Variants in FRYL observed in about 807,000 individuals in gnomAD.
FRYL encodes the protein protein furry homolog-like.
In FRYL, 150 loss-of-function variants were observed where a neutral mutation model predicts 351.2. That is an observed-to-expected ratio of 0.43 (90% CI 0.37 to 0.49). The LOEUF is 0.49. Ranked by LOEUF, FRYL falls within the 20% of genes least tolerant of loss-of-function variation. The pLI, the probability that FRYL is intolerant of heterozygous loss-of-function variation, is 0.00. For synonymous variants in FRYL, 1,153 were observed against 1,257.1 expected (o/e 0.92, Z 1.75); for missense variants, 3,036 against 3,619.3 (o/e 0.84, Z 4.13).
chr4:48,715,806 C>G (rs778712887), intron 1 of FRYL, among the ~76,000 whole-genome samples: 1 of 152,054 alleles, frequency 6.6e-6, no homozygotes, highest in Non-Finnish European at 1.5e-5. Context: ...AAAAAGAGCC[C>G]GCATCGCCAA....
chr4:48,750,210 T>C (rs539481227), intron 1 of FRYL, among the ~76,000 whole-genome samples: 1 of 148,806 alleles, frequency 6.7e-6, no homozygotes, highest in African/African-American at 2.5e-5. Context: ...CGTATAATAC[T>C]AGCACTCTGG....
chr4:48,748,788 T>C (rs186109837), intron 1 of FRYL, among the ~76,000 whole-genome samples: 4 of 152,314 alleles, frequency 2.6e-5, no homozygotes, highest in African/African-American at 9.6e-5. Flanking sequence ...TTATAGTAAG[T>C]AGATTGCGAA....
intron 2 of FRYL, among the ~76,000 whole-genome samples, chr4:48,706,621 A>C (rs1247789544): frequency 1.3e-5 from 2 of 152,246 alleles, no homozygotes; most frequent in African/African-American, 2.4e-5. Flanking sequence ...GTACACTTAA[A>C]ATAGTTAAAA....
chr4:48,556,856 T>A (rs1224660536), intron 35 of FRYL, 122 bp downstream of exon 35: 2 of 738,918 alleles, frequency 2.7e-6, no homozygotes, highest in Admixed American at 2.7e-5. Context: ...TTCCTGACTG[T>A]CTTCATCCCG....
At chr4:48,776,163 T>C (rs1480885233) in intron 1 of FRYL, among the ~76,000 whole-genome samples, 2 of 151,362 alleles carry the variant, frequency 1.3e-5, no homozygotes, top group African/African-American at 4.8e-5. Context: ...TTTTTTTTTT[T>C]TTTAAATAGA....
chr4:48,657,749 T>C (rs1295738179), intron 3 of FRYL, among the ~76,000 whole-genome samples: 2 of 109,646 alleles, frequency 1.8e-5, no homozygotes, highest in Non-Finnish European at 3.7e-5. Flanking sequence ...AGAAGGCTTT[T>C]TAAATGGTAA....
chr4:48,643,838 TATAAA>T (rs1179623109), intron 3 of FRYL, among the ~76,000 whole-genome samples: 8 of 152,090 alleles, frequency 5.3e-5, no homozygotes, highest in Non-Finnish European at 8.8e-5. Context: ...TAAAAGAAGA[TATAAA>T]AGAAGATCTG....
intron 1 of FRYL, among the ~76,000 whole-genome samples, chr4:48,753,687 T>A (rs1773479561): frequency 6.6e-6 from 1 of 152,216 alleles, no homozygotes; most frequent in South Asian, 2.1e-4. Context: ...GCTTTTGGTG[T>A]CTTATTTAAG....
rs553895362 is a variant in FRYL at position 48,749,598 on chromosome 4, T to C, written c.-384+30480A>G. Among the ~76,000 whole-genome samples the C allele has an allele frequency of 7.2e-5, 11 of 152,294 alleles. No homozygotes were observed. The East Asian group carries it at 1.9e-3, about 27-fold the overall frequency. On this transcript the variant is annotated intron_variant, in intron 1 of 63. Transcript: ENST00000358350. Reference sequence around the variant, plus strand: ...GGAGGATGGGGCTCCTAAGCCATGTTAGTGATATACCCACTCATGTGAGCC... The same window carrying C: ...GGAGGATGGGGCTCCTAAGCCATGTCAGTGATATACCCACTCATGTGAGCC...
chr4:48,546,503 T>C, intron 41 of FRYL: 1 of 483,172 alleles, frequency 2.1e-6, no homozygotes, highest in Non-Finnish European at 3.7e-6. Context: ...GGATGTACTA[T>C]GCAGTCCTCT....
chr4:48,636,135 A>T (rs1416993312), intron 3 of FRYL, among the ~76,000 whole-genome samples: 1 of 152,110 alleles, frequency 6.6e-6, no homozygotes, highest in Non-Finnish European at 1.5e-5. Flanking sequence ...ACAAAAACTC[A>T]CAGTCCTTTG....
chr4:48,712,681 A>C (rs1349373958), intron 1 of FRYL, among the ~76,000 whole-genome samples: 1 of 152,220 alleles, frequency 6.6e-6, no homozygotes, highest in Non-Finnish European at 1.5e-5. Context: ...CAATCTAGCA[A>C]GGCAGGCCAA....
intron 1 of FRYL, among the ~76,000 whole-genome samples, chr4:48,745,596 C>A (rs959786700): frequency 6.6e-6 from 1 of 151,890 alleles, no homozygotes; most frequent in African/African-American, 2.4e-5. Context: ...CACACCGGGG[C>A]CTGTTGTGGG....
intron 1 of FRYL, among the ~76,000 whole-genome samples, chr4:48,742,129 G>A (rs764511035): frequency 6.6e-6 from 1 of 152,192 alleles, no homozygotes; most frequent in Non-Finnish European, 1.5e-5. Flanking sequence ...AAGGAAACAG[G>A]AAGTCTCTGT....
chr4:48,541,887 G>C (rs1047145179), intron 45 of FRYL, 140 bp downstream of exon 45: 2 of 618,346 alleles, frequency 3.2e-6, no homozygotes, highest in Non-Finnish European at 2.9e-6. Context: ...CACTGTCTGC[G>C]GCCCATCTCC....
intron 43 of FRYL, 91 bp downstream of exon 43, chr4:48,544,692 C>A: frequency 9.6e-7 from 1 of 1,046,160 alleles, no homozygotes; most frequent in South Asian, 2.1e-5. Flanking sequence ...AGAGGTATCA[C>A]AATATCAACT....
chr4:48,684,203 A>G (rs1186347891), intron 3 of FRYL, among the ~76,000 whole-genome samples: 1 of 152,210 alleles, frequency 6.6e-6, no homozygotes, highest in African/African-American at 2.4e-5. Flanking sequence ...TGTGCAAGAT[A>G]TGAAGGCATT....
chr4:48,711,351 A>G (rs562705898), intron 1 of FRYL, among the ~76,000 whole-genome samples: 1 of 152,330 alleles, frequency 6.6e-6, no homozygotes, highest in Admixed American at 6.5e-5. Context: ...AAATCAGGTC[A>G]CTCCCACTCA....
At chr4:48,676,716 G>T (rs1234157788) in intron 3 of FRYL, among the ~76,000 whole-genome samples, 2 of 152,172 alleles carry the variant, frequency 1.3e-5, no homozygotes, top group Non-Finnish European at 2.9e-5. Flanking sequence ...TAAAGTGACA[G>T]AAGAAACTGA....
Sources: gnomAD v4.1 joint callset for allele counts (sites outside exome capture counted in the v4.1 genomes callset) on GRCh38, gnomAD v4.1.1 for gene constraint, MANE v1.5 for transcripts, NCBI Gene and HGNC (gene_info 2026-07-23, HGNC 2026-07-21) for gene names.